Variants in RBFOX1 observed in about 807,000 individuals in gnomAD.
The protein encoded by RBFOX1 is RNA binding fox-1 homolog 1, also known as RNA binding protein fox-1 homolog 1.
RBFOX1 carries 8 observed loss-of-function variants against 57.7 expected under a neutral mutation model. The observed-to-expected ratio is 0.14, with a 90% CI of 0.08 to 0.25. The LOEUF is 0.25. Ranked by LOEUF, RBFOX1 falls within the 10% of genes least tolerant of loss-of-function variation. RBFOX1 has a pLI of 1.00. For missense variants in RBFOX1, 611 were observed against 548.5 expected, an observed-to-expected ratio of 1.11 and a Z score of -1.14; for synonymous variants, 326 against 222.4, an observed-to-expected ratio of 1.47 and a Z score of -4.15.
At chr16:6,202,571 T>C (rs1466263965) in intron 1 of RBFOX1, among the ~76,000 whole-genome samples, 1 of 152,088 alleles carries the variant, frequency 6.6e-6, no homozygotes, top group Non-Finnish European at 1.5e-5. Context: ...GTTGGGTCAG[T>C]TTCTTTCTTT....
At chr16:5,484,364 G>T (rs1410363908) in intron 2 of RBFOX1, among the ~76,000 whole-genome samples, 1 of 152,158 alleles carries the variant, frequency 6.6e-6, no homozygotes, top group African/African-American at 2.4e-5. Context: ...CTTGGCAACT[G>T]GCTTCTCTTA....
intron 4 of RBFOX1, among the ~76,000 whole-genome samples, chr16:7,131,538 T>C (rs886715279): frequency 2.6e-5 from 4 of 151,646 alleles, no homozygotes. Flanking sequence ...ATAATCAACC[T>C]AGCTGGCAAG....
intron 4 of RBFOX1, among the ~76,000 whole-genome samples, chr16:7,123,749 G>A (rs1487384504): frequency 1.3e-5 from 2 of 152,184 alleles, no homozygotes; most frequent in Non-Finnish European, 2.9e-5. Context: ...TATATTGTAT[G>A]ATGATACTTT....
At chr16:6,372,511 A>G (rs951464354) in intron 2 of RBFOX1, among the ~76,000 whole-genome samples, 1 of 151,292 alleles carries the variant, frequency 6.6e-6, no homozygotes, top group Non-Finnish European at 1.5e-5. Flanking sequence ...GTATAGTTGG[A>G]TGGAAGGATA....
intron 3 of RBFOX1, among the ~76,000 whole-genome samples, chr16:6,708,156 G>A (rs2063097137): frequency 6.6e-6 from 1 of 152,064 alleles, no homozygotes; most frequent in South Asian, 2.1e-4. Context: ...GGGGGATGTT[G>A]GGGGTTATGA....
intron 3 of RBFOX1, among the ~76,000 whole-genome samples, chr16:6,683,209 T>G (rs1163105197): frequency 2.6e-5 from 4 of 152,072 alleles, no homozygotes; most frequent in African/African-American, 9.7e-5. Context: ...ATAAAAAGGG[T>G]GAGAGAACTG....
rs11865083 is a variant in RBFOX1, at chr16:7,625,457, A to G, written c.677-5146A>G. Among the ~76,000 whole-genome samples, 1,468 of 152,306 alleles carry G rather than the reference A, an allele frequency of 9.6e-3. 19 individuals carry two copies. The highest frequency in any genetic ancestry group is 0.034 in the African/African-American group (1,419 of 41,560). On this transcript the variant is annotated intron_variant, in intron 10 of 15. Coordinates refer to ENST00000550418, the MANE Select transcript of RBFOX1 (RefSeq NM_018723.4). ...TCTTAATAACTCCTGTATTAGAGGTACAGACAGTGCATGACATATACAGAA... is the reference window on the plus strand; with the variant it reads ...TCTTAATAACTCCTGTATTAGAGGTGCAGACAGTGCATGACATATACAGAA...
intron 4 of RBFOX1, among the ~76,000 whole-genome samples, chr16:7,131,300 C>T (rs371174562): frequency 2.0e-5 from 3 of 147,572 alleles, no homozygotes; most frequent in South Asian, 4.3e-4. Context: ...GAGCCAAGAC[C>T]ACACCATTGC....
At chr16:6,870,152 G>C (rs2153261281) in intron 3 of RBFOX1, among the ~76,000 whole-genome samples, 1 of 152,190 alleles carries the variant, frequency 6.6e-6, no homozygotes, top group Middle Eastern at 3.4e-3. Flanking sequence ...GTTTTCACAG[G>C]ATGGTGATGA....
intron 2 of RBFOX1, among the ~76,000 whole-genome samples, chr16:6,476,033 G>T (rs1452686600): frequency 6.6e-6 from 1 of 152,036 alleles, no homozygotes; most frequent in East Asian, 1.9e-4. Context: ...CTTTTTGAAG[G>T]TTTTATCATC....
At chr16:6,581,383 G>C (rs1235733272) in intron 2 of RBFOX1, among the ~76,000 whole-genome samples, 3 of 152,106 alleles carry the variant, frequency 2.0e-5, no homozygotes, top group African/African-American at 7.2e-5. Flanking sequence ...GAGTCTTTTA[G>C]GGTGCTTTAT....
intron 4 of RBFOX1, among the ~76,000 whole-genome samples, chr16:5,911,364 A>T (rs545109200): frequency 6.6e-6 from 1 of 152,272 alleles, no homozygotes; most frequent in Non-Finnish European, 1.5e-5. Flanking sequence ...TGTTCCCCTT[A>T]TCTTGTGCCA....
intron 3 of RBFOX1, among the ~76,000 whole-genome samples, chr16:6,936,984 C>T (rs540523678): frequency 3.0e-4 from 45 of 150,926 alleles, no homozygotes; most frequent in Admixed American, 2.6e-3. Context: ...GGAGATATAC[C>T]TAATGCTAGA....
intron 2 of RBFOX1, among the ~76,000 whole-genome samples, chr16:5,513,929 A>G (rs1236771000): frequency 6.6e-6 from 1 of 152,188 alleles, no homozygotes; most frequent in Non-Finnish European, 1.5e-5. Flanking sequence ...TTTTAAGAAG[A>G]TAGAATGAAT....
chr16:5,763,721 T>G (rs74006263), intron 3 of RBFOX1, among the ~76,000 whole-genome samples: 4,364 of 152,284 alleles, frequency 0.029, 222 homozygotes, highest in African/African-American at 0.098. Context: ...AGGTCGAGGT[T>G]CAACCGACTG....
intron 1 of RBFOX1, among the ~76,000 whole-genome samples, chr16:6,204,938 C>G (rs563711345): frequency 1.3e-5 from 2 of 152,256 alleles, no homozygotes; most frequent in South Asian, 4.2e-4. Context: ...GATTGTTAAC[C>G]TTCAAAGCTA....
chr16:7,629,423 A>G (rs72774995), intron 10 of RBFOX1, among the ~76,000 whole-genome samples: 3,709 of 152,242 alleles, frequency 0.024, 80 homozygotes, highest in South Asian at 0.12. Context: ...TGCACTTGTA[A>G]GGTTGGCTTC....
At chr16:6,668,808 A>T (rs990225910) in intron 3 of RBFOX1, among the ~76,000 whole-genome samples, 1 of 30,930 alleles carries the variant, frequency 3.2e-5, no homozygotes, top group Non-Finnish European at 6.8e-5. Flanking sequence ...TTTACTTAAA[A>T]GAAGCAAGTC....
chr16:5,293,989 G>A (rs1340374718), intron 1 of RBFOX1, among the ~76,000 whole-genome samples: 1 of 152,212 alleles, frequency 6.6e-6, no homozygotes, highest in African/African-American at 2.4e-5. Context: ...AGCACTTTGG[G>A]AGGCCAAGGC....
Sources: allele counts gnomAD v4.1 joint callset (sites outside exome capture counted in the v4.1 genomes callset), GRCh38; gene constraint gnomAD v4.1.1; transcripts MANE v1.5; gene names NCBI Gene and HGNC (gene_info 2026-07-23, HGNC 2026-07-21).